RGS7: variants seen among roughly 807,000 people sequenced by gnomAD.
RGS7 encodes the protein regulator of G-protein signaling 7.
RGS7 carries 27 observed loss-of-function variants against 81.1 expected under a neutral mutation model. The ratio of observed to expected loss-of-function variants is 0.33; its 90% CI spans 0.25 to 0.46. The LOEUF (loss-of-function observed/expected upper bound fraction) is 0.46. Ranked by LOEUF, RGS7 falls within the 20% of genes least tolerant of loss-of-function variation. The probability of loss-of-function intolerance (pLI) is 1.00; values close to 1 mark genes in which losing one functional copy is unlikely to be tolerated. For missense variants in RGS7, 396 were observed against 607.4 expected, an observed-to-expected ratio of 0.65 and a Z score of 3.66; for synonymous variants, 208 against 207.7, an observed-to-expected ratio of 1.00 and a Z score of -0.01.
intron 3 of RGS7, among the ~76,000 whole-genome samples, chr1:241,055,250 G>A (rs1023971833): frequency 4.6e-5 from 7 of 152,242 alleles, no homozygotes; most frequent in African/African-American, 9.6e-5. Flanking sequence ...ACAGGTTAAC[G>A]GCTCAGCCCA....
intron 9 of RGS7, among the ~76,000 whole-genome samples, chr1:240,839,060 C>T (rs116534353): frequency 0.013 from 1,992 of 152,300 alleles, 45 homozygotes; most frequent in African/African-American, 0.046. Flanking sequence ...CCACTGTGCC[C>T]GGCCTATTTT....
intron 2 of RGS7, among the ~76,000 whole-genome samples, chr1:241,156,849 G>C (rs1011493461): frequency 2.0e-5 from 3 of 152,144 alleles, no homozygotes; most frequent in African/African-American, 7.2e-5. Context: ...TCCCTGTGAG[G>C]TCTGTGTGGC....
chr1:241,252,946 T>C (rs904688623), intron 2 of RGS7, among the ~76,000 whole-genome samples: 6 of 152,172 alleles, frequency 3.9e-5, no homozygotes, highest in Non-Finnish European at 7.3e-5. Context: ...GCAGTACTCA[T>C]CCTCTGAAGA....
At chr1:241,320,778 T>C (rs2081162149) in intron 2 of RGS7, among the ~76,000 whole-genome samples, 1 of 152,188 alleles carries the variant, frequency 6.6e-6, no homozygotes, top group African/African-American at 2.4e-5. Flanking sequence ...TGTTATTAAG[T>C]GCAGTGTTGA....
At chr1:240,832,807 G>A (rs1572320373) in intron 9 of RGS7, among the ~76,000 whole-genome samples, 1 of 152,214 alleles carries the variant, frequency 6.6e-6, no homozygotes, top group South Asian at 2.1e-4. Context: ...AGAGCTGATA[G>A]CAAGACATCA....
chr1:241,178,123 C>T (rs1166728298), intron 2 of RGS7, among the ~76,000 whole-genome samples: 2 of 151,588 alleles, frequency 1.3e-5, no homozygotes, highest in Non-Finnish European at 2.9e-5. Flanking sequence ...CCTGTCTCTA[C>T]AAAAAAGATA....
chr1:240,931,516 C>A (rs1023907226), intron 5 of RGS7, among the ~76,000 whole-genome samples: 17 of 152,084 alleles, frequency 1.1e-4, no homozygotes, highest in African/African-American at 3.9e-4. Context: ...CACATTGCAT[C>A]CTTGTATCCA....
At chr1:240,806,463 G>T in intron 14 of RGS7, 137 bp from the exon 15 acceptor site, 2 of 716,582 alleles carry the variant, frequency 2.8e-6, no homozygotes, top group East Asian at 2.5e-5. Context: ...GTATCAGGGT[G>T]GTACTGACTG....
intron 3 of RGS7, among the ~76,000 whole-genome samples, chr1:241,028,542 T>C (rs1357627479): frequency 1.3e-5 from 2 of 151,956 alleles, no homozygotes; most frequent in Non-Finnish European, 2.9e-5. Context: ...GAGATGCCGG[T>C]GAAACAGGGA....
At chr1:240,961,851 C>T (rs1370837081) in intron 4 of RGS7, among the ~76,000 whole-genome samples, 1 of 151,858 alleles carries the variant, frequency 6.6e-6, no homozygotes, top group East Asian at 1.9e-4. Flanking sequence ...CAAAACTTTT[C>T]ACTTTATGCA....
chr1:240,928,124 T>C (rs1674774851), intron 6 of RGS7, among the ~76,000 whole-genome samples: 1 of 152,198 alleles, frequency 6.6e-6, no homozygotes, highest in Non-Finnish European at 1.5e-5. Flanking sequence ...CATAGCATTC[T>C]CTCGGCCACC....
At chr1:240,797,427 C>A (rs1008452156) in intron 18 of RGS7, among the ~76,000 whole-genome samples, 1 of 152,226 alleles carries the variant, frequency 6.6e-6, no homozygotes, top group African/African-American at 2.4e-5. Flanking sequence ...TCTCTGCTCA[C>A]TGCAACATCT....
chr1:241,246,798 A>C (rs2076571654), intron 2 of RGS7, among the ~76,000 whole-genome samples: 1 of 151,948 alleles, frequency 6.6e-6, no homozygotes. Context: ...GTAGAATTAG[A>C]GGCCCATGCT....
At chr1:241,344,937 T>C (rs149381324) in intron 2 of RGS7, among the ~76,000 whole-genome samples, 12 of 152,328 alleles carry the variant, frequency 7.9e-5, no homozygotes, top group African/African-American at 2.9e-4. Flanking sequence ...TGCATGCGAA[T>C]GCTCATTGCA....
intron 4 of RGS7, among the ~76,000 whole-genome samples, chr1:240,951,029 C>G (rs116354677): frequency 0.027 from 4,112 of 152,116 alleles, 80 homozygotes; most frequent in East Asian, 0.066. Context: ...TCAAGCAATC[C>G]TCCCAACTCA....
At chr1:240,802,223 A>G (rs1688134382) in intron 16 of RGS7, among the ~76,000 whole-genome samples, 1 of 152,198 alleles carries the variant, frequency 6.6e-6, no homozygotes. Flanking sequence ...TTAACATTAA[A>G]AAGAATGAAT....
At chr1:240,932,512 A>T (rs368344701) in intron 5 of RGS7, among the ~76,000 whole-genome samples, 1 of 16,094 alleles carries the variant, frequency 6.2e-5, no homozygotes, top group Non-Finnish European at 1.1e-4. Context: ...GTAGGGTGTC[A>T]CTTTTTTTTT....
At chr1:240,842,381 T>C (rs925159068) in intron 9 of RGS7, among the ~76,000 whole-genome samples, 3 of 151,332 alleles carry the variant, frequency 2.0e-5, no homozygotes, top group African/African-American at 7.3e-5. Flanking sequence ...ATATTTTTAG[T>C]AGAGACCACC....
intron 3 of RGS7, among the ~76,000 whole-genome samples, chr1:241,063,602 G>C (rs899446271): frequency 3.9e-5 from 6 of 152,114 alleles, no homozygotes; most frequent in African/African-American, 1.4e-4. Flanking sequence ...AAAATTTCCT[G>C]CTTTCACCGG....
Sources: allele counts gnomAD v4.1 joint callset (sites outside exome capture counted in the v4.1 genomes callset), GRCh38; gene constraint gnomAD v4.1.1; transcripts MANE v1.5; gene names NCBI Gene and HGNC (gene_info 2026-07-23, HGNC 2026-07-21).